Variants in ZNF530 observed in about 807,000 individuals in gnomAD.
The protein encoded by ZNF530 is zinc finger protein 530.
In ZNF530, 5 loss-of-function variants were observed where a neutral mutation model predicts 2.8. The ratio of observed to expected loss-of-function variants is 1.80; its 90% CI spans 0.94 to 3.78. ZNF530 has a LOEUF of 3.78. Ranked by LOEUF, ZNF530 falls within the 30% of genes most tolerant of loss-of-function variation. The pLI, the probability that ZNF530 is intolerant of heterozygous loss-of-function variation, is 0.00. For missense variants in ZNF530, 619 were observed against 673.3 expected (o/e 0.92, Z 0.89); for synonymous variants, 229 against 235.0 (o/e 0.97, Z 0.23).
downstream of ZNF530, among the ~76,000 whole-genome samples, chr19:57,610,492 A>G (rs1329152284): frequency 6.6e-6 from 1 of 151,890 alleles, no homozygotes; most frequent in Non-Finnish European, 1.5e-5. Context: ...CATGTTGATT[A>G]CACCTCAATG....
chr19:57,607,432 C>T lies in ZNF530; in HGVS notation c.*107C>T, dbSNP rs1018256853. 5.3e-6 allele frequency: 6 copies of T among 1,129,454 alleles called. No individual in the cohort carries two copies. The highest frequency in any genetic ancestry group is 7.4e-6 in the Non-Finnish European group (6 of 815,312). The allele number at this position is 1,129,454 out of a possible 1,614,324, so 70.0% of individuals were successfully genotyped here. A position where few individuals can be genotyped will look rare whatever the true frequency, so the allele number is the denominator to read the frequency against. On this transcript the variant is annotated 3_prime_UTR_variant, in exon 4 of 4. Transcript: ENST00000597700. ...CAATCTCAGCTCACTGCAACCTCCG[C>T]CTCCTGGGATCAAGTGATTCTCCTG...
Position 57,606,327 on chromosome 19 carries a change from G to T in ZNF530, c.703G>T (p.Glu235Ter). ...AGCACACGGTAGAACAAGGACTCAT[G>T]AATGTAGTGAATGTGGGAAATCATT... ...RKAHGRTRTH[E>*]CSECGKSFSR... The change falls in exon 4 of 4, where the codon GAA (glutamate) becomes TAA (stop). Residue 235 changes from glutamate to a stop codon, truncating the protein, a stop_gained. Coordinates refer to ENST00000597700, the MANE Select transcript of ZNF530 (RefSeq NM_001321981.2). LOFTEE classifies it low-confidence loss of function (END_TRUNC). 1 of 1,614,170 alleles carries T rather than the reference G, an allele frequency of 6.2e-7. No individual in the cohort carries two copies. Among genetic ancestry groups the T allele is most frequent in the Non-Finnish European group, 8.5e-7 (1 of 1,180,038 alleles).
At position 57,606,158 on chromosome 19, in the gene ZNF530, C is replaced by A; in HGVS notation, c.534C>A (p.Leu178=). The A allele has an allele frequency of 1.8e-5, 29 of 1,614,218 alleles. No individual in the cohort carries two copies. Among genetic ancestry groups the A allele is most frequent in the Non-Finnish European group, 2.5e-5 (29 of 1,180,042 alleles). Residue 178 remains leucine, a synonymous_variant, in exon 4 of 4, where the codon CTC becomes CTA. Coordinates refer to ENST00000597700, the MANE Select transcript of ZNF530 (RefSeq NM_001321981.2). ...HLRVPTGRKP[L]KYTESRKSFR... Reference sequence around the variant, plus strand: ...GAGTTCCCACTGGACGAAAGCCTCTCAAATACACTGAATCCAGGAAATCTT... The same window carrying A: ...GAGTTCCCACTGGACGAAAGCCTCTAAAATACACTGAATCCAGGAAATCTT...
rs138959873 is a variant in ZNF530 at position 57,602,264 on chromosome 19, T to C, written c.-70+1485T>C. On this transcript the variant is annotated intron_variant, in intron 2 of 3. Coordinates refer to ENST00000597700, the MANE Select transcript of ZNF530 (RefSeq NM_001321981.2). Reference sequence around the variant, plus strand: ...ATGTAAAGAAAGCAAGGAATCTCTTTCTTTCTATTCTTACAAAAGCATTAA... The same window carrying C: ...ATGTAAAGAAAGCAAGGAATCTCTTCCTTTCTATTCTTACAAAAGCATTAA... Among the ~76,000 whole-genome samples the C allele has an allele frequency of 2.3e-3, 356 of 152,268 alleles. 1 individual carries two copies. The highest frequency in any genetic ancestry group is 8.3e-3 in the African/African-American group (346 of 41,544).
In ZNF530 at chr19:57,607,960, C is replaced by G. The variant is rs992201523; in HGVS notation, c.*635C>G. 4.6e-5 allele frequency: 7 copies of G among 153,332 alleles called. No homozygotes were observed. The highest frequency in any genetic ancestry group is 1.7e-4 in the African/African-American group (7 of 41,446). The allele number at this position is 153,332 out of a possible 1,614,324, so 9.5% of individuals were successfully genotyped here. On this transcript the variant is annotated 3_prime_UTR_variant, in exon 4 of 4. Coordinates refer to ENST00000597700, the MANE Select transcript of ZNF530 (RefSeq NM_001321981.2). ...CCCGCTGGGAGACCCACAGAGTGTG[C>G]ATCAGTCACCACCCCAACATGCTCA...
In ZNF530 at chr19:57,599,953, C is replaced by T. The variant is rs112580202; in HGVS notation, c.-303C>T. Reference sequence around the variant, plus strand: ...TCAGTTCCATCCGCGGGTGCCGGATCTGGACCTAGGTGCTGACAGCGAGAA... The same window carrying T: ...TCAGTTCCATCCGCGGGTGCCGGATTTGGACCTAGGTGCTGACAGCGAGAA... On this transcript the variant is annotated 5_prime_UTR_variant, in exon 1 of 4. Transcript: ENST00000597700. 1.2e-6 allele frequency: 1 copy of T among 850,456 alleles called. No homozygotes were observed. The highest frequency in any genetic ancestry group is 1.7e-5 in the African/African-American group (1 of 58,214). The allele number at this position is 850,456 out of a possible 1,614,324, so 52.7% of individuals were successfully genotyped here. A position where few individuals can be genotyped will look rare whatever the true frequency, so the allele number is the denominator to read the frequency against.
rs763588581 is a variant in ZNF530 at position 57,606,247 on chromosome 19, G to T, written c.623G>T (p.Cys208Phe). 2 of 1,614,122 alleles carry T rather than the reference G, an allele frequency of 1.2e-6. No homozygotes were observed. The highest frequency in any genetic ancestry group is 3.3e-5 in the Admixed American group (2 of 60,010). The part of the protein sequence containing the change: ...RADSGERPYK[C>F]SECGKSFSQS... ...GACTCTGGAGAAAGGCCTTACAAGTGCAGTGAATGTGGGAAATCCTTTAGT... is the reference window on the plus strand; with the variant it reads ...GACTCTGGAGAAAGGCCTTACAAGTTCAGTGAATGTGGGAAATCCTTTAGT... The change falls in exon 4 of 4, where the codon TGC (cysteine) becomes TTC (phenylalanine). Residue 208 changes from cysteine to phenylalanine, a missense_variant. Physicochemically the swap from Cys to Phe is radical, Grantham distance 205 (BLOSUM62 -2). Transcript: ENST00000597700.
At position 57,604,437 on chromosome 19, in the gene ZNF530, T is replaced by C. The variant is rs747014425; in HGVS notation, c.61+31T>C. ...GCCCTCCTATTCCTCCCAGTTTCCT[T>C]TGTGGGTCTCTCCTTTTCCCCTGTC... On this transcript the variant is annotated intron_variant, in intron 3 of 3. Transcript: ENST00000597700. 5 of 1,602,734 alleles carry C rather than the reference T, an allele frequency of 3.1e-6. No homozygotes were observed. The Admixed American group carries it at 8.5e-5, about 27-fold the overall frequency.
At chr19:57,600,342 G>T (rs1483307468) in intron 1 of ZNF530, among the ~76,000 whole-genome samples, 10 of 152,244 alleles carry the variant, frequency 6.6e-5, no homozygotes, top group Admixed American at 6.5e-4. Flanking sequence ...TGAGCCGGGA[G>T]GCTGGGGAGA....
rs1340815133 is a variant in ZNF530, at chr19:57,608,027, A to G, written c.*702A>G. On this transcript the variant is annotated 3_prime_UTR_variant, in exon 4 of 4. Transcript: ENST00000597700. Reference sequence around the variant, plus strand: ...CCATTAGTTGGAGGAAAGCACGAGTAGTCTAAGCTCTTAGGGGGGTTTCTC... The same window carrying G: ...CCATTAGTTGGAGGAAAGCACGAGTGGTCTAAGCTCTTAGGGGGGTTTCTC... The G allele has an allele frequency of 6.6e-6, 1 of 152,588 alleles. No individual in the cohort carries two copies. Among genetic ancestry groups the G allele is most frequent in the Non-Finnish European group, 1.5e-5 (1 of 68,360 alleles). The allele number at this position is 152,588 out of a possible 1,614,324, so 9.5% of individuals were successfully genotyped here.
rs1980791535 is a variant in ZNF530 at position 57,609,723 on chromosome 19, C to T, written c.*2398C>T. 1.3e-5 allele frequency among the ~76,000 whole-genome samples: 2 copies of T among 151,924 alleles called. No homozygotes were observed. The highest frequency in any genetic ancestry group is 4.8e-5 in the African/African-American group (2 of 41,346). ...CTCTAGAAATGTGTGTCTTGTAGCTCAAGTTATTACTAGAGACAACAAGGG... is the reference window on the plus strand; with the variant it reads ...CTCTAGAAATGTGTGTCTTGTAGCTTAAGTTATTACTAGAGACAACAAGGG... On this transcript the variant is annotated 3_prime_UTR_variant, in exon 4 of 4. Coordinates refer to ENST00000597700, the MANE Select transcript of ZNF530 (RefSeq NM_001321981.2).
chr19:57,600,371 G>A (rs922252886), intron 1 of ZNF530, among the ~76,000 whole-genome samples: 5 of 152,228 alleles, frequency 3.3e-5, no homozygotes, highest in Admixed American at 1.3e-4. Context: ...GGCCTCACGC[G>A]TGCAGGTAGC....
Position 57,605,710 on chromosome 19 carries a change from A to C in ZNF530, c.86A>C (p.Glu29Ala), listed in dbSNP as rs1568623942. 1 of 1,610,366 alleles carries C rather than the reference A, an allele frequency of 6.2e-7. No individual in the cohort carries two copies. The highest frequency in any genetic ancestry group is 1.1e-5 in the South Asian group (1 of 90,836). Reference sequence around the variant, plus strand: ...GGTTGCTGGTGTGGAGCAGTAGATGAGGGGACGCCTTCTGCAGAGAGCGTT... The same window carrying C: ...GGTTGCTGGTGTGGAGCAGTAGATGCGGGGACGCCTTCTGCAGAGAGCGTT... ...SLGCWCGAVDEGTPSAESVSV... is the reference protein window; with the variant it reads ...SLGCWCGAVDAGTPSAESVSV... The change falls in exon 4 of 4, where the codon GAG becomes GCG. Residue 29 changes from glutamate (E) to alanine (A), a missense_variant. Physicochemically the swap from Glu to Ala is moderately radical, Grantham distance 107 (BLOSUM62 -1). Transcript: ENST00000597700.
chr19:57,604,189 G>A, intron 2 of ZNF530, 88 bp from the exon 3 acceptor site: 1 of 1,588,196 alleles, frequency 6.3e-7, no homozygotes, highest in South Asian at 1.1e-5. Context: ...AGATGGGGAG[G>A]AGGGTGAGCC....
rs763225584 is a variant in ZNF530 at position 57,607,143 on chromosome 19, G to A, written c.1519G>A (p.Val507Ile). Reference protein sequence around the residue: ...QSSALLQHRRVHTGERPYECR... With the variant: ...QSSALLQHRRIHTGERPYECR... ...CTCTGCCCTCCTTCAGCATAGGAGA[G>A]TTCACACTGGAGAAAGGCCTTATGA... Residue 507 changes from valine to isoleucine, a missense_variant, in exon 4 of 4, where the codon GTT (valine) becomes ATT (isoleucine). Coordinates refer to ENST00000597700, the MANE Select transcript of ZNF530 (RefSeq NM_001321981.2). 1.5e-5 allele frequency: 24 copies of A among 1,613,942 alleles called. No individual in the cohort carries two copies. Among genetic ancestry groups the A allele is most frequent in the Non-Finnish European group, 1.9e-5 (23 of 1,180,028 alleles).
In ZNF530 at chr19:57,605,971, A is replaced by T. The variant is rs1313066456; in HGVS notation, c.347A>T (p.Asp116Val). 3.7e-6 allele frequency: 6 copies of T among 1,614,206 alleles called. No individual in the cohort carries two copies. The highest frequency in any genetic ancestry group is 1.1e-5 in the South Asian group (1 of 91,084). ...LDNGEKLFKV[D>V]GDQASFMMNC... ...AATGGAGAGAAGCTCTTTAAAGTGG[A>T]TGGGGACCAGGCCTCATTTATGATG... The change falls in exon 4 of 4, where the codon GAT (aspartate) becomes GTT (valine). Residue 116 changes from aspartate to valine, a missense_variant. Coordinates refer to ENST00000597700, the MANE Select transcript of ZNF530 (RefSeq NM_001321981.2).
chr19:57,610,620 A>G (rs1224711043), downstream of ZNF530, among the ~76,000 whole-genome samples: 2 of 152,256 alleles, frequency 1.3e-5, no homozygotes, highest in East Asian at 3.9e-4. Flanking sequence ...TGTTTCCAGC[A>G]TATGTCCCAT....
At position 57,607,347 on chromosome 19, in the gene ZNF530, C is replaced by G; in HGVS notation, c.*22C>G. 1 of 1,390,868 alleles carries G rather than the reference C, an allele frequency of 7.2e-7. No homozygotes were observed. The highest frequency in any genetic ancestry group is 9.6e-7 in the Non-Finnish European group (1 of 1,042,856). 86.2% of individuals were successfully genotyped at this position (1,390,868 alleles called of 1,614,324 possible). Reference sequence around the variant, plus strand: ...GTGAATGTGGGAAATTATTTTGTCACTTTTTTTTTTTTTTTTGAGATGGAA... The same window carrying G: ...GTGAATGTGGGAAATTATTTTGTCAGTTTTTTTTTTTTTTTTGAGATGGAA... On this transcript the variant is annotated 3_prime_UTR_variant, in exon 4 of 4. Transcript: ENST00000597700.
Position 57,607,077 on chromosome 19 carries a change from C to A in ZNF530, c.1453C>A (p.Pro485Thr), listed in dbSNP as rs765921801. 4.3e-6 allele frequency: 7 copies of A among 1,613,264 alleles called. No homozygotes were observed. In the East Asian group the frequency reaches 1.6e-4, roughly 36 times the overall value. Residue 485 changes from proline to threonine, a missense_variant, in exon 4 of 4, where the codon CCT becomes ACT. By Grantham distance (38) the Pro-to-Thr change is conservative. Transcript: ENST00000597700. ...CCAGACTGTTCACACTAATGAAAGG[C>A]CTTATGAGTGCGATGAATGTGGGAA... ...RHQTVHTNERPYECDECGKSY... is the reference protein window; with the variant it reads ...RHQTVHTNERTYECDECGKSY...
Sources: gnomAD v4.1 joint callset for allele counts (sites outside exome capture counted in the v4.1 genomes callset) on GRCh38, gnomAD v4.1.1 for gene constraint, MANE v1.5 for transcripts, NCBI Gene and HGNC (gene_info 2026-07-23, HGNC 2026-07-21) for gene names.